TRAPPC9: variants seen among roughly 807,000 people sequenced by gnomAD.
The protein encoded by TRAPPC9 is trafficking protein particle complex subunit 9.
In TRAPPC9, 83 loss-of-function variants were observed where a neutral mutation model predicts 124.0. The observed-to-expected ratio is 0.67, with a 90% CI of 0.56 to 0.80. The LOEUF (loss-of-function observed/expected upper bound fraction) is 0.80. TRAPPC9 is among the 30% of genes least tolerant of loss of function. The pLI, the probability that TRAPPC9 is intolerant of heterozygous loss-of-function variation, is 0.00. For synonymous variants in TRAPPC9, 638 were observed against 617.5 expected, an observed-to-expected ratio of 1.03 and a Z score of -0.49; for missense variants, 1,302 against 1,508.3, an observed-to-expected ratio of 0.86 and a Z score of 2.27.
intron 17 of TRAPPC9, among the ~76,000 whole-genome samples, chr8:140,123,529 G>A (rs2061026245): frequency 6.6e-6 from 1 of 152,038 alleles, no homozygotes; most frequent in Non-Finnish European, 1.5e-5. Context: ...GGGCATCTGG[G>A]GTACTGACAT....
intron 17 of TRAPPC9, among the ~76,000 whole-genome samples, chr8:140,134,592 G>C (rs924341897): frequency 2.6e-5 from 4 of 151,976 alleles, no homozygotes; most frequent in African/African-American, 9.7e-5. Flanking sequence ...TATGCAATGA[G>C]GAAATAATAG....
intron 8 of TRAPPC9, 36 bp downstream of exon 8, chr8:140,370,928 A>C (rs1563980037): frequency 6.2e-7 from 1 of 1,610,264 alleles, no homozygotes. Context: ...TCAGACAGAA[A>C]GCAACACCTT....
At chr8:140,404,871 C>T (rs948836179) in intron 6 of TRAPPC9, among the ~76,000 whole-genome samples, 30 of 140,082 alleles carry the variant, frequency 2.1e-4, no homozygotes, top group East Asian at 4.4e-4. Context: ...TGTGAGCATG[C>T]GCGTGTAAGT....
chr8:139,942,785 C>T (rs1004472313), intron 19 of TRAPPC9, among the ~76,000 whole-genome samples: 2 of 152,174 alleles, frequency 1.3e-5, no homozygotes, highest in African/African-American at 2.4e-5. Context: ...GAGGACAGGC[C>T]GAGTCAGCAC....
At chr8:139,975,797 C>T (rs1836401310) in intron 19 of TRAPPC9, among the ~76,000 whole-genome samples, 1 of 152,160 alleles carries the variant, frequency 6.6e-6, no homozygotes, top group Non-Finnish European at 1.5e-5. Context: ...TGTCACCTGT[C>T]AGCCCATCCA....
At chr8:140,004,698 G>A (rs752044291) in intron 18 of TRAPPC9, among the ~76,000 whole-genome samples, 21 of 152,088 alleles carry the variant, frequency 1.4e-4, no homozygotes, top group Non-Finnish European at 8.8e-5. Context: ...ACTCAATATC[G>A]ACTCAGCTAA....
In TRAPPC9 at chr8:139,876,780, A is replaced by G. The variant is rs1006471623; in HGVS notation, c.3055+9099T>C. Among the ~76,000 whole-genome samples the G allele has an allele frequency of 1.3e-5, 2 of 152,118 alleles. 1 individual carries two copies. Among genetic ancestry groups the G allele is most frequent in the Non-Finnish European group, 2.9e-5 (2 of 68,020 alleles). ...ATCTTCCCTGTGGTTCCAGGCTCCA[A>G]CAACAGCAATCATTTGTCCCCACGA... On this transcript the variant is annotated intron_variant, in intron 21 of 22. Transcript: ENST00000438773.
rs967399008 is a variant in TRAPPC9 at position 139,730,037 on chromosome 8, C to T, written c.*1024G>A. Among the ~76,000 whole-genome samples, 6 of 152,122 alleles carry T rather than the reference C, an allele frequency of 3.9e-5. No individual in the cohort carries two copies. Among genetic ancestry groups the T allele is most frequent in the African/African-American group, 9.7e-5 (4 of 41,444 alleles). ...TCTGGCCCTCAAGGGAGATGTGAGCCGTGTGCTTTCTCTCTCCGGTCCTCC... is the reference window on the plus strand; with the variant it reads ...TCTGGCCCTCAAGGGAGATGTGAGCTGTGTGCTTTCTCTCTCCGGTCCTCC... On this transcript the variant is annotated 3_prime_UTR_variant, in exon 23 of 23. Transcript: ENST00000438773.
chr8:140,270,696 C>T (rs569843906), intron 15 of TRAPPC9, among the ~76,000 whole-genome samples: 12 of 152,192 alleles, frequency 7.9e-5, no homozygotes, highest in African/African-American at 1.9e-4. Context: ...ATAAATGCTC[C>T]GGAGCTGAGG....
At chr8:140,293,826 T>G (rs2065731392) in intron 11 of TRAPPC9, among the ~76,000 whole-genome samples, 1 of 152,098 alleles carries the variant, frequency 6.6e-6, no homozygotes, top group African/African-American at 2.4e-5. Flanking sequence ...GTAACTAACC[T>G]GCACATTGTG....
intron 21 of TRAPPC9, among the ~76,000 whole-genome samples, chr8:139,840,475 G>A (rs1158127531): frequency 1.3e-5 from 2 of 152,236 alleles, no homozygotes; most frequent in Admixed American, 1.3e-4. Context: ...CTGGAAGGAG[G>A]CAAAGGAACT....
At chr8:140,290,851 C>T in intron 12 of TRAPPC9, 142 bp downstream of exon 12, 1 of 730,236 alleles carries the variant, frequency 1.4e-6, no homozygotes, top group Non-Finnish European at 2.5e-6. Flanking sequence ...TCTTCATTTA[C>T]AATAAGCTTA....
chr8:139,776,188 C>T lies in TRAPPC9; in HGVS notation c.3056-43986G>A, dbSNP rs377067933. On this transcript the variant is annotated intron_variant, in intron 21 of 22. Transcript: ENST00000438773. This position sits in a 1 kb window ranked among gnomAD's most constrained non-coding sequence, Gnocchi z 4.1. ...GGACCCAGCCTCAGTCTCTGGGCTC[C>T]CCGACAGGGTTCCTTCCATCCTGCA... 2.2e-4 allele frequency among the ~76,000 whole-genome samples: 33 copies of T among 152,328 alleles called. No homozygotes were observed. The highest frequency in any genetic ancestry group is 7.9e-4 in the African/African-American group (33 of 41,576).
intron 21 of TRAPPC9, among the ~76,000 whole-genome samples, chr8:139,734,414 C>G (rs976213985): frequency 6.6e-6 from 1 of 152,172 alleles, no homozygotes; most frequent in Admixed American, 6.5e-5. Flanking sequence ...CCACTGTTTT[C>G]CAGTGTAAGT....
At chr8:140,167,340 G>C (rs1053556656) in intron 17 of TRAPPC9, among the ~76,000 whole-genome samples, 2 of 152,140 alleles carry the variant, frequency 1.3e-5, no homozygotes, top group Admixed American at 1.3e-4. Context: ...AAATAGGGGT[G>C]AAGTGGTTTA....
chr8:139,882,670 G>A (rs1030455369), intron 21 of TRAPPC9, among the ~76,000 whole-genome samples: 4 of 152,186 alleles, frequency 2.6e-5, no homozygotes, highest in Non-Finnish European at 4.4e-5. Context: ...GGAGGGTGGC[G>A]AGGAGACAGG....
rs1041770444 is a variant in TRAPPC9 at position 139,729,977 on chromosome 8, C to T, written c.*1084G>A. ...CACAGCCAGAAGCCTGCCCCCAGAACAGGACTCTTGTGGGTAGTGTAGACA... is the reference window on the plus strand; with the variant it reads ...CACAGCCAGAAGCCTGCCCCCAGAATAGGACTCTTGTGGGTAGTGTAGACA... On this transcript the variant is annotated 3_prime_UTR_variant, in exon 23 of 23. Transcript: ENST00000438773. Among the ~76,000 whole-genome samples, 3 of 152,150 alleles carry T rather than the reference C, an allele frequency of 2.0e-5. No homozygotes were observed. The highest frequency in any genetic ancestry group is 7.2e-5 in the African/African-American group (3 of 41,438).
At chr8:140,408,963 A>C (rs1038776370) in intron 5 of TRAPPC9, among the ~76,000 whole-genome samples, 4 of 152,192 alleles carry the variant, frequency 2.6e-5, no homozygotes, top group Admixed American at 2.6e-4. Context: ...TATCACACAA[A>C]CCTAAACGCA....
chr8:140,245,906 A>G (rs987034293), intron 16 of TRAPPC9, among the ~76,000 whole-genome samples: 1 of 152,192 alleles, frequency 6.6e-6, no homozygotes, highest in African/African-American at 2.4e-5. Flanking sequence ...TCATTAATCT[A>G]TTAGGGATGG....
Sources: allele counts gnomAD v4.1 joint callset (sites outside exome capture counted in the v4.1 genomes callset), GRCh38; gene constraint gnomAD v4.1.1; non-coding constraint Gnocchi (gnomAD v3.1); transcripts MANE v1.5; gene names NCBI Gene and HGNC (gene_info 2026-07-23, HGNC 2026-07-21).